RIMBP2: variants seen among roughly 807,000 people sequenced by gnomAD.
The protein encoded by RIMBP2 is RIMS-binding protein 2.
A neutral mutation model predicts 118.6 loss-of-function variants in RIMBP2; 48 were observed. The observed-to-expected ratio is 0.40, with a 90% confidence interval of 0.32 to 0.51. RIMBP2 has a LOEUF of 0.51. Ranked by LOEUF, RIMBP2 falls within the 20% of genes least tolerant of loss-of-function variation. RIMBP2 has a pLI of 0.41. For missense variants in RIMBP2, 1,551 were observed against 1,768.3 expected (o/e 0.88, Z 2.20); for synonymous variants, 762 against 742.9 (o/e 1.03, Z -0.42).
At chr12:130,647,075 TG>T (rs1246037075) in intron 1 of RIMBP2, among the ~76,000 whole-genome samples, 1 of 152,176 alleles carries the variant, frequency 6.6e-6, no homozygotes, top group Non-Finnish European at 1.5e-5. Flanking sequence ...AGGAAAATCT[TG>T]GGTTCCTTCA....
At chr12:130,506,347 A>C (rs1418788991) in intron 4 of RIMBP2, among the ~76,000 whole-genome samples, 3 of 152,226 alleles carry the variant, frequency 2.0e-5, no homozygotes, top group African/African-American at 7.2e-5. Context: ...TAACGTAGGC[A>C]GACTCCATTT....
At chr12:130,453,831 A>G (rs1566066458) in intron 7 of RIMBP2, among the ~76,000 whole-genome samples, 1 of 152,206 alleles carries the variant, frequency 6.6e-6, no homozygotes, top group Non-Finnish European at 1.5e-5. Flanking sequence ...AGGCAGGTAG[A>G]TCACCTGAGT....
intron 3 of RIMBP2, among the ~76,000 whole-genome samples, chr12:130,515,136 A>G (rs2051315688): frequency 6.6e-6 from 1 of 152,194 alleles, no homozygotes; most frequent in African/African-American, 2.4e-5. Context: ...TCGGCCTCCC[A>G]AAGTGCTGGG....
intron 2 of RIMBP2, among the ~76,000 whole-genome samples, chr12:130,560,338 G>A (rs2056717322): frequency 6.6e-6 from 1 of 152,046 alleles, no homozygotes; most frequent in South Asian, 2.1e-4. Context: ...TCGGTTCCAG[G>A]GTTTCTCAAC....
chr12:130,552,571 A>C (rs1347199092), intron 2 of RIMBP2, among the ~76,000 whole-genome samples: 2 of 152,266 alleles, frequency 1.3e-5, no homozygotes, highest in Admixed American at 1.3e-4. Context: ...GCTGGTGAGC[A>C]GATCAGGAAA....
chr12:130,436,422 C>T (rs1464169814), intron 13 of RIMBP2, among the ~76,000 whole-genome samples: 2 of 152,102 alleles, frequency 1.3e-5, no homozygotes, highest in African/African-American at 4.8e-5. Flanking sequence ...CACATATGTG[C>T]ATGTGTGTGT....
intron 4 of RIMBP2, among the ~76,000 whole-genome samples, chr12:130,498,916 T>C (rs2049465864): frequency 6.6e-6 from 1 of 152,182 alleles, no homozygotes; most frequent in Admixed American, 6.5e-5. Flanking sequence ...CCACTCAATT[T>C]TGGGGTTGCA....
At chr12:130,410,359 A>T (rs2075615493) in intron 19 of RIMBP2, among the ~76,000 whole-genome samples, 1 of 152,168 alleles carries the variant, frequency 6.6e-6, no homozygotes. Context: ...TTAAGTGCAG[A>T]GTATTTAATT....
intron 1 of RIMBP2, among the ~76,000 whole-genome samples, chr12:130,630,346 A>G (rs1442926322): frequency 1.3e-5 from 2 of 151,658 alleles, no homozygotes; most frequent in Non-Finnish European, 2.9e-5. Flanking sequence ...TATAAAAAAT[A>G]TAAAAAGCAT....
intron 3 of RIMBP2, among the ~76,000 whole-genome samples, chr12:130,507,195 C>T (rs538695883): frequency 1.3e-5 from 2 of 152,298 alleles, no homozygotes; most frequent in African/African-American, 4.8e-5. Context: ...TAAAGACAAA[C>T]AGCTGGAACT....
chr12:130,644,974 T>C (rs1479507608), intron 1 of RIMBP2, among the ~76,000 whole-genome samples: 1 of 152,168 alleles, frequency 6.6e-6, no homozygotes, highest in East Asian at 1.9e-4. Context: ...GCGCCTAGTC[T>C]CTCAAACTGT....
chr12:130,478,067 G>A (rs2081596190), intron 5 of RIMBP2, among the ~76,000 whole-genome samples: 2 of 152,176 alleles, frequency 1.3e-5, no homozygotes, highest in Admixed American at 1.3e-4. Flanking sequence ...CCTATCTGGA[G>A]AGAGACAGCA....
rs986075780 is a variant in RIMBP2, at chr12:130,428,489, A to G, written c.2254-152T>C. The G allele has an allele frequency of 5.6e-6, 4 of 709,258 alleles. No homozygotes were observed. In the African/African-American group the frequency reaches 7.2e-5, roughly 13 times the overall value. The allele number at this position is 709,258 out of a possible 1,614,324, so 43.9% of individuals were successfully genotyped here. Reference sequence around the variant, plus strand: ...ACAGGGTGTGTGTTACTCGTTCTGGAAAGTGAGGCTGGAGAGAGGACACAC... The same window carrying G: ...ACAGGGTGTGTGTTACTCGTTCTGGGAAGTGAGGCTGGAGAGAGGACACAC... On this transcript the variant is annotated intron_variant, in intron 14 of 22. Coordinates refer to ENST00000690449, the MANE Select transcript of RIMBP2 (RefSeq NM_001393629.1).
intron 2 of RIMBP2, among the ~76,000 whole-genome samples, chr12:130,567,302 GCAC>G (rs1224443204): frequency 1.3e-5 from 2 of 152,174 alleles, no homozygotes; most frequent in Non-Finnish European, 2.9e-5. Context: ...GCTGGCGTAT[GCAC>G]CACAAGAAGG....
At position 130,578,247 on chromosome 12, in the gene RIMBP2, G is replaced by A. The variant is rs2058224990; in HGVS notation, c.-217+50075C>T. Reference sequence around the variant, plus strand: ...CAGAGGATTCCATCCATCCACTTCTGAACCTTCCTGTTCTCTGCCTCTACT... The same window carrying A: ...CAGAGGATTCCATCCATCCACTTCTAAACCTTCCTGTTCTCTGCCTCTACT... On this transcript the variant is annotated intron_variant, in intron 2 of 22. Coordinates refer to ENST00000690449, the MANE Select transcript of RIMBP2 (RefSeq NM_001393629.1). The surrounding 1 kb of genome is among the most constrained non-coding windows in gnomAD (Gnocchi z 4.1). Among the ~76,000 whole-genome samples the A allele has an allele frequency of 1.3e-5, 2 of 152,190 alleles. No homozygotes were observed. The highest frequency in any genetic ancestry group is 1.3e-4 in the Admixed American group (2 of 15,282).
At chr12:130,467,039 AGATCT>A (rs1419694469) in intron 6 of RIMBP2, among the ~76,000 whole-genome samples, 1 of 152,234 alleles carries the variant, frequency 6.6e-6, no homozygotes, top group Non-Finnish European at 1.5e-5. Flanking sequence ...ACAGTGAAAG[AGATCT>A]GACCTAACTC....
At chr12:130,575,443 T>C (rs6486555) in intron 2 of RIMBP2, among the ~76,000 whole-genome samples, 151,975 of 152,142 alleles carry the variant, frequency 1, 75,904 homozygotes, top group Non-Finnish European at 1. Context: ...TTAAGCAATA[T>C]TCATGTGACA....
chr12:130,534,978 T>G (rs1019175513), intron 2 of RIMBP2, among the ~76,000 whole-genome samples: 2 of 152,230 alleles, frequency 1.3e-5, no homozygotes, highest in Admixed American at 6.5e-5. Context: ...AATATTTTTA[T>G]GTAAAACATC....
chr12:130,477,944 G>C (rs1364304895), intron 5 of RIMBP2, among the ~76,000 whole-genome samples: 2 of 152,166 alleles, frequency 1.3e-5, no homozygotes, highest in Non-Finnish European at 2.9e-5. Flanking sequence ...GGGCTGGGTG[G>C]GGACACTGGG....
Sources: allele counts gnomAD v4.1 joint callset (sites outside exome capture counted in the v4.1 genomes callset), GRCh38; gene constraint gnomAD v4.1.1; non-coding constraint Gnocchi (gnomAD v3.1); transcripts MANE v1.5; gene names NCBI Gene and HGNC (gene_info 2026-07-23, HGNC 2026-07-21).